The following KAT14 variants were observed in gnomAD, a reference collection of about 807,000 sequenced individuals.
KAT14 encodes the protein lysine acetyltransferase 14.
A neutral mutation model predicts 78.4 loss-of-function variants in KAT14; 66 were observed. The observed-to-expected ratio is 0.84, with a 90% confidence interval of 0.69 to 1.03. KAT14 has a LOEUF of 1.03. KAT14 is among the 50% of genes least tolerant of loss of function. KAT14 has a pLI of 0.00. For synonymous variants in KAT14, 344 were observed against 359.4 expected (o/e 0.96, Z 0.48); for missense variants, 870 against 972.5 (o/e 0.89, Z 1.40).
chr20:18,169,548 T>C (rs936907456), intron 7 of KAT14, among the ~76,000 whole-genome samples: 1 of 152,226 alleles, frequency 6.6e-6, no homozygotes, highest in Non-Finnish European at 1.5e-5. Context: ...ATGAACTTAA[T>C]TGGTAAATGT....
At chr20:18,163,845 A>AT (rs1295290787) in intron 7 of KAT14, among the ~76,000 whole-genome samples, 2 of 151,768 alleles carry the variant, frequency 1.3e-5, no homozygotes, top group Non-Finnish European at 2.9e-5. Context: ...CCTATCTTCT[A>AT]TTTTTTCTGT....
chr20:18,160,582 GCTATT>G (rs548602333), intron 5 of KAT14, among the ~76,000 whole-genome samples: 404 of 151,892 alleles, frequency 2.7e-3, no homozygotes, highest in African/African-American at 9.1e-3. Flanking sequence ...CCTTTTTGTT[GCTATT>G]TTATTTATTT....
At chr20:18,167,609 A>G (rs552537211) in intron 7 of KAT14, among the ~76,000 whole-genome samples, 1 of 152,276 alleles carries the variant, frequency 6.6e-6, no homozygotes, top group Non-Finnish European at 1.5e-5. Flanking sequence ...TTTATTTCCA[A>G]TCAGTACTTG....
chr20:18,140,818 C>CAAAAAAAAAAAAAAAAAAAAAAAA, intron 1 of KAT14, among the ~76,000 whole-genome samples: 1 of 79,064 alleles, frequency 1.3e-5, no homozygotes, highest in Non-Finnish European at 2.3e-5. Flanking sequence ...GACTCCTTCT[C>CAAAAAAAAAAAAAAAAAAAAAAAA]AAAAAAAAAA....
chr20:18,187,135 G>C, intron 10 of KAT14, 151 bp from the exon 11 acceptor site: 1 of 922,832 alleles, frequency 1.1e-6, no homozygotes, highest in South Asian at 2.1e-5. Flanking sequence ...TCTGTTTCCA[G>C]CTGTTGCTAG....
intron 4 of KAT14, among the ~76,000 whole-genome samples, chr20:18,157,476 A>G (rs1277513208): frequency 1.3e-5 from 2 of 152,220 alleles, no homozygotes; most frequent in Non-Finnish European, 2.9e-5. Flanking sequence ...AAAATTTACC[A>G]TCTTAACCAG....
At chr20:18,140,868 A>G (rs2037522138) in intron 1 of KAT14, among the ~76,000 whole-genome samples, 1 of 146,138 alleles carries the variant, frequency 6.8e-6, no homozygotes, top group Non-Finnish European at 1.5e-5. Context: ...AACCCTATTT[A>G]TTTATTTTGA....
chr20:18,165,744 G>GCAT (rs929117058), intron 7 of KAT14, among the ~76,000 whole-genome samples: 33 of 152,346 alleles, frequency 2.2e-4, no homozygotes, highest in African/African-American at 7.7e-4. Flanking sequence ...CATAGCGTAT[G>GCAT]CATCAGCCAG....
At chr20:18,164,373 C>A (rs1439391826) in intron 7 of KAT14, among the ~76,000 whole-genome samples, 3 of 151,990 alleles carry the variant, frequency 2.0e-5, no homozygotes, top group African/African-American at 2.4e-5. Flanking sequence ...TAGATGTGGG[C>A]AGTATAATTA....
At chr20:18,180,321 A>G (rs554438814) in intron 7 of KAT14, among the ~76,000 whole-genome samples, 14 of 152,000 alleles carry the variant, frequency 9.2e-5, no homozygotes, top group Non-Finnish European at 1.0e-4. Context: ...CTTTGCTCCA[A>G]TTCCCAACAA....
Position 18,142,896 on chromosome 20 carries a change from A to G in KAT14, c.236A>G (p.Lys79Arg). Residue 79 changes from lysine to arginine, a missense_variant, in exon 2 of 11, where the codon AAG (lysine) becomes AGG (arginine). Lys to Arg is a conservative substitution (Grantham distance 26, BLOSUM62 2). Coordinates refer to ENST00000688188, the MANE Select transcript of KAT14 (RefSeq NM_001392073.1). ...GAGCAGCTGTCCTACTTCTGTGACA[A>G]GTGCCAAAAATGGATACCAGCCAGT... ...MEEQLSYFCD[K>R]CQKWIPASQL... 6.2e-7 allele frequency: 1 copy of G among 1,614,094 alleles called. No individual in the cohort carries two copies. The highest frequency in any genetic ancestry group is 2.2e-5 in the East Asian group (1 of 44,876).
At chr20:18,157,421 C>G (rs957274696) in intron 4 of KAT14, among the ~76,000 whole-genome samples, 1 of 152,152 alleles carries the variant, frequency 6.6e-6, no homozygotes, top group African/African-American at 2.4e-5. Context: ...TGAGGTCTCA[C>G]TATGTTGCCC....
intron 7 of KAT14, among the ~76,000 whole-genome samples, chr20:18,180,792 C>CAGT (rs1325180418): frequency 9.7e-6 from 1 of 102,604 alleles, no homozygotes; most frequent in African/African-American, 3.4e-5. Context: ...GAGACTTATT[C>CAGT]ACTACGAGAA....
intron 7 of KAT14, among the ~76,000 whole-genome samples, chr20:18,178,387 A>G (rs2039123112): frequency 6.6e-6 from 1 of 152,132 alleles, no homozygotes; most frequent in Non-Finnish European, 1.5e-5. Flanking sequence ...TTCACTGGAA[A>G]AGAGATTGTA....
At chr20:18,155,852 T>C (rs1239456934) in intron 4 of KAT14, among the ~76,000 whole-genome samples, 2 of 152,176 alleles carry the variant, frequency 1.3e-5, no homozygotes, top group Non-Finnish European at 2.9e-5. Context: ...TAGTTAAAAA[T>C]ATAATGATCA....
intron 7 of KAT14, among the ~76,000 whole-genome samples, chr20:18,165,624 C>G (rs2038610838): frequency 6.6e-6 from 1 of 152,064 alleles, no homozygotes; most frequent in South Asian, 2.1e-4. Flanking sequence ...TTCCTACAGC[C>G]CTGGGAAACT....
intron 7 of KAT14, 70 bp from the exon 8 acceptor site, chr20:18,181,640 A>G: frequency 1.4e-5 from 22 of 1,599,166 alleles, no homozygotes; most frequent in Non-Finnish European, 1.8e-5. Flanking sequence ...AAGTGTTGGG[A>G]TTACCGGCAT....
intron 2 of KAT14, among the ~76,000 whole-genome samples, chr20:18,144,885 A>G (rs1169636847): frequency 6.6e-6 from 1 of 152,198 alleles, no homozygotes; most frequent in African/African-American, 2.4e-5. Context: ...TTCCTAGCCC[A>G]GTGCCTGGTA....
chr20:18,175,577 G>A (rs907218663), intron 7 of KAT14, among the ~76,000 whole-genome samples: 2 of 152,026 alleles, frequency 1.3e-5, no homozygotes, highest in Non-Finnish European at 2.9e-5. Flanking sequence ...GATGGGCTTG[G>A]AAAGGGACCA....
Sources: gnomAD v4.1 joint callset for allele counts (sites outside exome capture counted in the v4.1 genomes callset) on GRCh38, gnomAD v4.1.1 for gene constraint, MANE v1.5 for transcripts, NCBI Gene and HGNC (gene_info 2026-07-23, HGNC 2026-07-21) for gene names.